Variants in BMPER observed in about 807,000 individuals in gnomAD.
BMPER encodes BMP-binding endothelial regulator protein.
In BMPER, 45 loss-of-function variants were observed where a neutral mutation model predicts 87.3. The observed-to-expected ratio is 0.52, with a 90% CI of 0.41 to 0.66. The LOEUF is 0.66. BMPER is among the 30% of genes least tolerant of loss of function. The pLI is 0.00. For missense variants in BMPER, 784 were observed against 867.5 expected (o/e 0.90, Z 1.21); for synonymous variants, 326 against 316.2 (o/e 1.03, Z -0.33).
At chr7:34,148,427 A>G (rs1298520047) in intron 14 of BMPER, among the ~76,000 whole-genome samples, 2 of 152,168 alleles carry the variant, frequency 1.3e-5, no homozygotes, top group African/African-American at 2.4e-5. Context: ...AGCTTTACCT[A>G]TTTGGTTGTA....
chr7:34,110,623 G>T (rs1265499587), intron 13 of BMPER, among the ~76,000 whole-genome samples: 2 of 152,176 alleles, frequency 1.3e-5, no homozygotes, highest in Non-Finnish European at 2.9e-5. Flanking sequence ...CTGTACAAAT[G>T]GATTTAGGAT....
intron 6 of BMPER, among the ~76,000 whole-genome samples, chr7:34,024,042 T>C (rs1787272445): frequency 6.6e-6 from 1 of 151,960 alleles, no homozygotes. Flanking sequence ...ATGGAAATCC[T>C]AGTCTGAATA....
In BMPER at chr7:34,078,820, G is replaced by A. The variant is rs941313171; in HGVS notation, c.1079-37G>A. The A allele has an allele frequency of 5.0e-6, 8 of 1,607,850 alleles. No individual in the cohort carries two copies. The African/African-American group carries it at 1.1e-4, about 22-fold the overall frequency. On this transcript the variant is annotated intron_variant, in intron 11 of 14. Transcript: ENST00000649409. ...GATTTCTCTGTGAATCCTTGGCTTG[G>A]TTTGTGACCCGGCTTTTGTCTCTCA...
chr7:33,975,252 G>C (rs1404267069), intron 6 of BMPER, among the ~76,000 whole-genome samples: 1 of 152,094 alleles, frequency 6.6e-6, no homozygotes, highest in Non-Finnish European at 1.5e-5. Flanking sequence ...GCAGCTGCTT[G>C]GTTCTTTAGT....
intron 13 of BMPER, among the ~76,000 whole-genome samples, chr7:34,107,861 C>T (rs1789863169): frequency 6.6e-6 from 1 of 152,124 alleles, no homozygotes; most frequent in Admixed American, 6.5e-5. Flanking sequence ...CTGGCTTCAC[C>T]ATTGCTGTGT....
intron 2 of BMPER, among the ~76,000 whole-genome samples, chr7:33,926,014 A>G (rs1270322005): frequency 6.6e-6 from 1 of 152,206 alleles, no homozygotes; most frequent in Non-Finnish European, 1.5e-5. Context: ...TGAGCTGGTA[A>G]CCAGCACTTC....
At chr7:33,906,534 T>C (rs1374273133) in intron 1 of BMPER, among the ~76,000 whole-genome samples, 2 of 152,216 alleles carry the variant, frequency 1.3e-5, no homozygotes, top group African/African-American at 4.8e-5. Flanking sequence ...AGGAGTGTTA[T>C]TAAAAATCCA....
At chr7:33,995,497 A>G (rs1585719101) in intron 6 of BMPER, among the ~76,000 whole-genome samples, 1 of 152,174 alleles carries the variant, frequency 6.6e-6, no homozygotes, top group African/African-American at 2.4e-5. Context: ...GGTGGACCTT[A>G]TATTTCTATG....
intron 2 of BMPER, among the ~76,000 whole-genome samples, chr7:33,910,255 AC>A (rs1585626067): frequency 6.6e-6 from 1 of 152,322 alleles, no homozygotes; most frequent in East Asian, 1.9e-4. Flanking sequence ...AACAGTTATT[AC>A]TGTTTTTGTA....
rs539350771 is a variant in BMPER, at chr7:33,946,004, C to G, written c.319+8616C>G. Among the ~76,000 whole-genome samples the G allele has an allele frequency of 1.4e-3, 210 of 152,158 alleles. 1 individual carries two copies. Among genetic ancestry groups the G allele is most frequent in the African/African-American group, 4.0e-3 (167 of 41,524 alleles). On this transcript the variant is annotated intron_variant, in intron 3 of 14. Coordinates refer to ENST00000649409, the MANE Select transcript of BMPER (RefSeq NM_001365308.1). ...GAGTGCAGGGGGAAGGTGTTTTAGT[C>G]CTTTCCCACATTGCTATAAGGAAAT...
intron 3 of BMPER, among the ~76,000 whole-genome samples, chr7:33,947,070 A>T (rs1008138010): frequency 6.6e-6 from 1 of 152,218 alleles, no homozygotes; most frequent in Non-Finnish European, 1.5e-5. Context: ...TGCTAATAAT[A>T]ATTATACATT....
chr7:33,950,471 C>T (rs1348947353), intron 3 of BMPER, among the ~76,000 whole-genome samples: 1 of 152,132 alleles, frequency 6.6e-6, no homozygotes, highest in Non-Finnish European at 1.5e-5. Context: ...CTGGGTCTCT[C>T]AAGTCTGCAA....
intron 8 of BMPER, among the ~76,000 whole-genome samples, chr7:34,053,010 C>T (rs552760864): frequency 7.2e-5 from 11 of 152,266 alleles, no homozygotes; most frequent in African/African-American, 1.2e-4. Flanking sequence ...CTAAGAATTT[C>T]GCAGGAGATA....
chr7:33,992,104 G>A (rs1332014217), intron 6 of BMPER, among the ~76,000 whole-genome samples: 1 of 152,044 alleles, frequency 6.6e-6, no homozygotes, highest in African/African-American at 2.4e-5. Flanking sequence ...TTGATTTGGG[G>A]TGGAGAGTTC....
intron 13 of BMPER, among the ~76,000 whole-genome samples, chr7:34,103,178 A>G (rs1002187967): frequency 1.3e-5 from 2 of 152,156 alleles, no homozygotes; most frequent in Admixed American, 1.3e-4. Context: ...AGGAGACATG[A>G]GCAGTACTTC....
chr7:33,906,924 A>G, intron 2 of BMPER, 21 bp downstream of exon 2: 2 of 1,577,488 alleles, frequency 1.3e-6, no homozygotes, highest in Non-Finnish European at 1.7e-6. Context: ...AGATCAGGTA[A>G]TATGAACTCA....
chr7:34,072,976 G>A (rs1788775464), intron 11 of BMPER, among the ~76,000 whole-genome samples: 1 of 152,036 alleles, frequency 6.6e-6, no homozygotes, highest in African/African-American at 2.4e-5. Flanking sequence ...TTTCCTAATA[G>A]TCTCTTTATT....
At chr7:34,044,547 C>G (rs1170144850) in intron 6 of BMPER, among the ~76,000 whole-genome samples, 2 of 152,102 alleles carry the variant, frequency 1.3e-5, no homozygotes, top group Non-Finnish European at 2.9e-5. Flanking sequence ...CTGGGGCTGA[C>G]CCCAGGGCCT....
intron 4 of BMPER, 25 bp from the exon 5 acceptor site, chr7:33,970,302 CTT>C (rs1244147891): frequency 1.2e-6 from 2 of 1,606,122 alleles, no homozygotes; most frequent in African/African-American, 2.7e-5. Context: ...TCTGGGCTGA[CTT>C]TGCTTGTTTT....
Sources: allele counts gnomAD v4.1 joint callset (sites outside exome capture counted in the v4.1 genomes callset), GRCh38; gene constraint gnomAD v4.1.1; transcripts MANE v1.5; gene names NCBI Gene and HGNC (gene_info 2026-07-23, HGNC 2026-07-21).